Variants in ZSWIM6 observed in about 807,000 individuals in gnomAD.
The protein encoded by ZSWIM6 is zinc finger SWIM-type containing 6.
A neutral mutation model predicts 113.2 loss-of-function variants in ZSWIM6; 9 were observed. The observed-to-expected ratio is 0.08, with a 90% confidence interval of 0.05 to 0.14. The LOEUF (loss-of-function observed/expected upper bound fraction) is 0.14. Among genes scored for constraint, ZSWIM6 ranks in the 10% least tolerant of loss-of-function variants. The probability of loss-of-function intolerance (pLI) is 1.00; values close to 1 mark genes in which losing one functional copy is unlikely to be tolerated. For synonymous variants in ZSWIM6, 611 were observed against 606.5 expected (o/e 1.01, Z -0.11); for missense variants, 1,162 against 1,552.2 (o/e 0.75, Z 4.22).
chr5:61,481,370 C>T (rs983722986), intron 2 of ZSWIM6, among the ~76,000 whole-genome samples: 4 of 151,876 alleles, frequency 2.6e-5, no homozygotes, highest in Non-Finnish European at 4.4e-5. Flanking sequence ...TTCGGTATGG[C>T]GTATATATGC....
At chr5:61,531,782 TTTC>T in intron 9 of ZSWIM6, 57 bp downstream of exon 9, 2 of 1,524,298 alleles carry the variant, frequency 1.3e-6, no homozygotes, top group Non-Finnish European at 1.8e-6. Flanking sequence ...GGTGCTAATC[TTTC>T]TTATGTTAAA....
chr5:61,505,646 C>CCTTG (rs1358136118), intron 4 of ZSWIM6, among the ~76,000 whole-genome samples: 2 of 106,822 alleles, frequency 1.9e-5, no homozygotes, highest in Admixed American at 8.6e-5. Flanking sequence ...TTCCTTCCTT[C>CCTTG]CTTCCTTCCT....
chr5:61,533,200 A>G (rs1399452085), intron 9 of ZSWIM6, among the ~76,000 whole-genome samples: 1 of 152,206 alleles, frequency 6.6e-6, no homozygotes. Context: ...CAAGGCCCAC[A>G]AAGAGTGAAT....
At position 61,375,072 on chromosome 5, in the gene ZSWIM6, G is replaced by T. The variant is rs1745343691; in HGVS notation, c.676+42124G>T. 1.8e-5 allele frequency: 28 copies of T among 1,572,378 alleles called. 1 individual carries two copies. The South Asian group carries it at 3.1e-4, about 17-fold the overall frequency. On this transcript the variant is annotated intron_variant, in intron 1 of 13. Coordinates refer to ENST00000252744, the MANE Select transcript of ZSWIM6 (RefSeq NM_020928.2). ...ATTAAAGGGTAAGTCTCTCCGGCCCGGTTTCCCTCGGTGTGCTACTGTGCG... is the reference window on the plus strand; with the variant it reads ...ATTAAAGGGTAAGTCTCTCCGGCCCTGTTTCCCTCGGTGTGCTACTGTGCG...
chr5:61,520,150 A>G (rs1749073856), intron 4 of ZSWIM6, among the ~76,000 whole-genome samples: 1 of 152,178 alleles, frequency 6.6e-6, no homozygotes, highest in Non-Finnish European at 1.5e-5. Flanking sequence ...TTTATTTTTA[A>G]TGAGGAAGAA....
chr5:61,390,548 A>G (rs1168249090), intron 1 of ZSWIM6: 4 of 496,734 alleles, frequency 8.1e-6, no homozygotes, highest in Non-Finnish European at 1.5e-5. Flanking sequence ...TGGAGAGCCT[A>G]CAAAAGTTAA....
At chr5:61,450,962 G>A (rs1747074573) in intron 1 of ZSWIM6, among the ~76,000 whole-genome samples, 1 of 152,130 alleles carries the variant, frequency 6.6e-6, no homozygotes, top group South Asian at 2.1e-4. Context: ...AGGATAATGT[G>A]GTTCCAAGAA....
At position 61,544,567 on chromosome 5, in the gene ZSWIM6, G is replaced by A. The variant is rs561163516; in HGVS notation, c.*250G>A. ...TTTTTTTTTCTGGTTTTGTATGAGAGAGAGGTTAAAAAGGTTTGGTTTACA... is the reference window on the plus strand; with the variant it reads ...TTTTTTTTTCTGGTTTTGTATGAGAAAGAGGTTAAAAAGGTTTGGTTTACA... On this transcript the variant is annotated 3_prime_UTR_variant, in exon 14 of 14. Coordinates refer to ENST00000252744, the MANE Select transcript of ZSWIM6 (RefSeq NM_020928.2). The A allele has an allele frequency of 2.3e-4, 44 of 193,624 alleles. No homozygotes were observed. In the East Asian group the frequency reaches 2.7e-3, roughly 12 times the overall value. The allele number at this position is 193,624 out of a possible 1,614,324, so 12.0% of individuals were successfully genotyped here.
At chr5:61,434,585 T>C (rs879535695) in intron 1 of ZSWIM6, among the ~76,000 whole-genome samples, 6 of 152,216 alleles carry the variant, frequency 3.9e-5, no homozygotes, top group Non-Finnish European at 8.8e-5. Flanking sequence ...AACAGTGGTG[T>C]TGAGCTCCAT....
In ZSWIM6 at chr5:61,410,000, T is replaced by C. The variant is rs188851733; in HGVS notation, c.677-62681T>C. On this transcript the variant is annotated intron_variant, in intron 1 of 13. Transcript: ENST00000252744. ...GTTGTGACTTTTGATAAAGGGAGTT[T>C]TAGCCTTTCATGAGAGGAAGCCTTG... Among the ~76,000 whole-genome samples, 19 of 152,324 alleles carry C rather than the reference T, an allele frequency of 1.2e-4. No homozygotes were observed. In the East Asian group the frequency reaches 3.7e-3, roughly 29 times the overall value.
At chr5:61,519,742 A>G (rs1323408275) in intron 4 of ZSWIM6, among the ~76,000 whole-genome samples, 3 of 152,116 alleles carry the variant, frequency 2.0e-5, no homozygotes, top group Non-Finnish European at 4.4e-5. Flanking sequence ...TTAAAATAAT[A>G]GATACTCTTA....
At chr5:61,458,508 A>G (rs563532978) in intron 1 of ZSWIM6, among the ~76,000 whole-genome samples, 27 of 152,300 alleles carry the variant, frequency 1.8e-4, no homozygotes, top group African/African-American at 6.0e-4. Flanking sequence ...CTAGTGATCT[A>G]CGCTCCCTCC....
rs573738925 is a variant in ZSWIM6 at position 61,404,441 on chromosome 5, C to T, written c.677-68240C>T. Reference sequence around the variant, plus strand: ...TTGAAGTTCACATTGTCTCCAGCTCCTCTAAGCCATGGCTACCACCTCTCA... The same window carrying T: ...TTGAAGTTCACATTGTCTCCAGCTCTTCTAAGCCATGGCTACCACCTCTCA... On this transcript the variant is annotated intron_variant, in intron 1 of 13. Transcript: ENST00000252744. Among the ~76,000 whole-genome samples, 7 of 152,290 alleles carry T rather than the reference C, an allele frequency of 4.6e-5. No individual in the cohort carries two copies. In the South Asian group the frequency reaches 6.2e-4, roughly 14 times the overall value.
intron 1 of ZSWIM6, among the ~76,000 whole-genome samples, chr5:61,376,166 A>G (rs965058526): frequency 1.2e-4 from 9 of 77,950 alleles, no homozygotes; most frequent in East Asian, 1.0e-3. Flanking sequence ...AGGATAAACC[A>G]ACAGAAATTG....
chr5:61,447,289 C>T (rs1007431266), intron 1 of ZSWIM6, among the ~76,000 whole-genome samples: 2 of 152,176 alleles, frequency 1.3e-5, no homozygotes, highest in African/African-American at 2.4e-5. Flanking sequence ...TTTCCCATAA[C>T]TGTATCAACA....
intron 1 of ZSWIM6, chr5:61,374,973 T>TAGAA (rs779335225): frequency 1.6e-5 from 14 of 861,742 alleles, no homozygotes; most frequent in Non-Finnish European, 2.5e-5. Context: ...AAAATTAATA[T>TAGAA]AGAAATGAGC....
chr5:61,386,377 T>G (rs1745592967), intron 1 of ZSWIM6, among the ~76,000 whole-genome samples: 1 of 152,246 alleles, frequency 6.6e-6, no homozygotes, highest in Non-Finnish European at 1.5e-5. Context: ...TGTGGCTGTT[T>G]TACATGGATT....
chr5:61,442,330 G>T (rs77438872), intron 1 of ZSWIM6, among the ~76,000 whole-genome samples: 57 of 152,072 alleles, frequency 3.7e-4, no homozygotes, highest in African/African-American at 1.3e-3. Flanking sequence ...GGCCAGTTTC[G>T]GTCCCACCCT....
chr5:61,379,130 A>G (rs917343973), intron 1 of ZSWIM6, among the ~76,000 whole-genome samples: 1 of 145,344 alleles, frequency 6.9e-6, no homozygotes, highest in African/African-American at 2.6e-5. Context: ...GCAGTGAGCT[A>G]CTGTGATCAT....
Sources: gnomAD v4.1 joint callset for allele counts (sites outside exome capture counted in the v4.1 genomes callset) on GRCh38, gnomAD v4.1.1 for gene constraint, MANE v1.5 for transcripts, NCBI Gene and HGNC (gene_info 2026-07-23, HGNC 2026-07-21) for gene names.